Variants in SLC7A11 observed in about 807,000 individuals in gnomAD.
SLC7A11 encodes the protein solute carrier family 7 member 11.
A neutral mutation model predicts 54.5 loss-of-function variants in SLC7A11; 35 were observed. That is an observed-to-expected ratio of 0.64 (90% CI 0.49 to 0.85). The LOEUF (loss-of-function observed/expected upper bound fraction) is 0.85. Among genes scored for constraint, SLC7A11 ranks in the 40% least tolerant of loss-of-function variants. The pLI is 0.00. For synonymous variants in SLC7A11, 230 were observed against 225.2 expected (o/e 1.02, Z -0.19); for missense variants, 583 against 618.1 (o/e 0.94, Z 0.60).
intron 5 of SLC7A11, among the ~76,000 whole-genome samples, chr4:138,217,742 T>G (rs1737713688): frequency 1.3e-5 from 2 of 152,160 alleles, no homozygotes; most frequent in African/African-American, 4.8e-5. Context: ...TTTCTCTACC[T>G]CCCCGCTTTG....
At chr4:138,197,497 A>G (rs1485116653) in intron 6 of SLC7A11, among the ~76,000 whole-genome samples, 1 of 152,124 alleles carries the variant, frequency 6.6e-6, no homozygotes, top group African/African-American at 2.4e-5. Flanking sequence ...AGTCAAGTTA[A>G]TAAACCATAG....
At chr4:138,213,903 C>T (rs889835313) in intron 6 of SLC7A11, among the ~76,000 whole-genome samples, 6 of 152,052 alleles carry the variant, frequency 3.9e-5, no homozygotes, top group Non-Finnish European at 8.8e-5. Context: ...ACTACAGTTC[C>T]TACATTTTCC....
intron 11 of SLC7A11, chr4:138,177,291 T>G (rs909272151): frequency 6.6e-6 from 1 of 152,080 alleles, no homozygotes; most frequent in African/African-American, 2.4e-5. Flanking sequence ...TTTAAAAAAT[T>G]AATTATGGTA....
At chr4:138,202,712 C>T (rs1174556692) in intron 6 of SLC7A11, among the ~76,000 whole-genome samples, 1 of 152,028 alleles carries the variant, frequency 6.6e-6, no homozygotes, top group African/African-American at 2.4e-5. Context: ...TGCTACTCCA[C>T]CATTTCTTTT....
intron 6 of SLC7A11, among the ~76,000 whole-genome samples, chr4:138,207,007 A>AAC (rs1247870800): frequency 3.3e-5 from 5 of 151,216 alleles, no homozygotes; most frequent in African/African-American, 1.2e-4. Flanking sequence ...AAAAAAAAAA[A>AAC]AAAAACCCCC....
At chr4:138,218,033 A>C (rs1238223233) in intron 5 of SLC7A11, among the ~76,000 whole-genome samples, 1 of 152,200 alleles carries the variant, frequency 6.6e-6, no homozygotes, top group Non-Finnish European at 1.5e-5. Context: ...ATAATCTTCT[A>C]ACAATCTTCA....
rs1491293485 is a variant in SLC7A11, at chr4:138,170,233, A to ATATATATATATATATATATATATAGAGT, written c.*1722_*1723insACTCTATATATATATATATATATATATA. On this transcript the variant is annotated 3_prime_UTR_variant, in exon 12 of 12. Transcript: ENST00000280612. ...TATATATATATATATATATATAAAA[A>ATATATATATATATATATATATATAGAGT]GTGTGTGTGTGTGTGTGTATATATA... 1.0e-5 allele frequency: 1 copy of ATATATATATATATATATATATATAGAGT among 98,628 alleles called. No homozygotes were observed. The highest frequency in any genetic ancestry group is 2.0e-5 in the Non-Finnish European group (1 of 50,414). 6.1% of individuals were successfully genotyped at this position (98,628 alleles called of 1,614,324 possible).
intron 2 of SLC7A11, 152 bp from the exon 3 acceptor site, chr4:138,232,534 G>A (rs1738105690): frequency 6.5e-6 from 4 of 613,646 alleles, no homozygotes; most frequent in Non-Finnish European, 1.2e-5. Flanking sequence ...GGTTGCCATA[G>A]ACATTCCAAA....
intron 4 of SLC7A11, 92 bp downstream of exon 4, chr4:138,223,107 T>C (rs1471104410): frequency 1.8e-6 from 2 of 1,120,348 alleles, no homozygotes; most frequent in Non-Finnish European, 2.6e-6. Context: ...CAGAGACTAA[T>C]TAAGGATTCT....
intron 6 of SLC7A11, among the ~76,000 whole-genome samples, chr4:138,204,093 T>G (rs1186865325): frequency 6.6e-6 from 1 of 152,060 alleles, no homozygotes; most frequent in Non-Finnish European, 1.5e-5. Context: ...TCCTCCAACT[T>G]TCTTTTCCAT....
At position 138,241,048 on chromosome 4, in the gene SLC7A11, A is replaced by G. The variant is rs570159987; in HGVS notation, c.277+745T>C. On this transcript the variant is annotated intron_variant, in intron 1 of 11. Coordinates refer to ENST00000280612, the MANE Select transcript of SLC7A11 (RefSeq NM_014331.4). Reference sequence around the variant, plus strand: ...GGACAAATTCTCTGTGTCCCTGGAGAACAAGTGAAATATAATGAAAAAAAC... The same window carrying G: ...GGACAAATTCTCTGTGTCCCTGGAGGACAAGTGAAATATAATGAAAAAAAC... 2.6e-5 allele frequency among the ~76,000 whole-genome samples: 4 copies of G among 152,326 alleles called. No homozygotes were observed. In the South Asian group the frequency reaches 8.3e-4, roughly 32 times the overall value.
chr4:138,191,992 T>C (rs1429166890), intron 6 of SLC7A11, among the ~76,000 whole-genome samples: 1 of 152,208 alleles, frequency 6.6e-6, no homozygotes, highest in Admixed American at 6.6e-5. Context: ...ACACTGATGT[T>C]CAATTCTTGT....
rs1405175046 is a variant in SLC7A11, at chr4:138,166,412, A to G, written c.*5544T>C. The G allele has an allele frequency of 6.6e-6, 1 of 152,358 alleles. No homozygotes were observed. The highest frequency in any genetic ancestry group is 6.5e-5 in the Admixed American group (1 of 15,276). The allele number at this position is 152,358 out of a possible 1,614,324, so 9.4% of individuals were successfully genotyped here. ...ATACAGTCACCACTGCAAAAGAGATACCTGTGCATTACTCTTTTTTTCCCC... is the reference window on the plus strand; with the variant it reads ...ATACAGTCACCACTGCAAAAGAGATGCCTGTGCATTACTCTTTTTTTCCCC... On this transcript the variant is annotated 3_prime_UTR_variant, in exon 12 of 12. Coordinates refer to ENST00000280612, the MANE Select transcript of SLC7A11 (RefSeq NM_014331.4).
Position 138,172,027 on chromosome 4 carries a change from A to C in SLC7A11, c.1445-10T>G. Reference sequence around the variant, plus strand: ...GTTCTGGTTATTTTCTCTACAAAGAAATAAAAATGAATTAAAAATGCATGG... The same window carrying C: ...GTTCTGGTTATTTTCTCTACAAAGACATAAAAATGAATTAAAAATGCATGG... On this transcript the variant is annotated splice_polypyrimidine_tract_variant and intron_variant, in intron 11 of 11. Transcript: ENST00000280612. 1.3e-6 allele frequency: 2 copies of C among 1,573,346 alleles called. No individual in the cohort carries two copies. Among genetic ancestry groups the C allele is most frequent in the East Asian group, 2.3e-5 (1 of 43,546 alleles).
intron 2 of SLC7A11, among the ~76,000 whole-genome samples, chr4:138,234,045 A>G (rs6831157): frequency 0.92 from 139,657 of 152,232 alleles, 64,952 homozygotes; most frequent in East Asian, 1. Context: ...GCTTATCACA[A>G]TAGCAATTTT....
At chr4:138,204,449 T>C (rs917628750) in intron 6 of SLC7A11, among the ~76,000 whole-genome samples, 1 of 152,088 alleles carries the variant, frequency 6.6e-6, no homozygotes. Flanking sequence ...TGCATAAAAA[T>C]TATCTGGGAG....
chr4:138,205,778 T>G (rs1737391265), intron 6 of SLC7A11, among the ~76,000 whole-genome samples: 1 of 152,036 alleles, frequency 6.6e-6, no homozygotes, highest in South Asian at 2.1e-4. Context: ...GCTATGTAAG[T>G]GTGGACTGAA....
intron 10 of SLC7A11, 108 bp from the exon 11 acceptor site, chr4:138,179,502 T>C (rs1465422121): frequency 1.1e-6 from 1 of 903,400 alleles, no homozygotes; most frequent in African/African-American, 1.7e-5. Flanking sequence ...TATGCTGTAG[T>C]CATGCGACCA....
chr4:138,179,483 C>G (rs1299644835), intron 10 of SLC7A11, 89 bp from the exon 11 acceptor site: 3 of 1,131,778 alleles, frequency 2.7e-6, no homozygotes, highest in African/African-American at 3.1e-5. Flanking sequence ...ATGACATATA[C>G]TTTAGTGATA....
Sources: gnomAD v4.1 joint callset for allele counts (sites outside exome capture counted in the v4.1 genomes callset) on GRCh38, gnomAD v4.1.1 for gene constraint, MANE v1.5 for transcripts, NCBI Gene and HGNC (gene_info 2026-07-23, HGNC 2026-07-21) for gene names.